Variants in CUL2 observed in about 807,000 individuals in gnomAD.
The protein encoded by CUL2 is cullin 2.
CUL2 carries 22 observed loss-of-function variants against 110.2 expected under a neutral mutation model. That is an observed-to-expected ratio of 0.20 (90% CI 0.14 to 0.28). CUL2 has a LOEUF of 0.28. CUL2 is among the 10% of genes least tolerant of loss of function. CUL2 has a pLI of 1.00. For missense variants in CUL2, 631 were observed against 905.5 expected (o/e 0.70, Z 3.89); for synonymous variants, 279 against 293.2 (o/e 0.95, Z 0.49).
chr10:35,031,166 C>T lies in CUL2; in HGVS notation c.1386+134G>A. 2 of 578,910 alleles carry T rather than the reference C, an allele frequency of 3.5e-6. No individual in the cohort carries two copies. Among genetic ancestry groups the T allele is most frequent in the South Asian group, 5.1e-5 (2 of 39,274 alleles). 35.9% of individuals were successfully genotyped at this position (578,910 alleles called of 1,614,324 possible). A position where few individuals can be genotyped will look rare whatever the true frequency, so the allele number is the denominator to read the frequency against. ...CTTTTAATACAGTATTTGTATATCC[C>T]ACTGTGTGACTACACAAATACACAT... On this transcript the variant is annotated intron_variant, in intron 14 of 20. Transcript: ENST00000374749. This position sits in a 1 kb window ranked among gnomAD's most constrained non-coding sequence, Gnocchi z 4.4.
intron 15 of CUL2, 58 bp downstream of exon 15, chr10:35,029,430 T>C (rs536269592): frequency 3.2e-5 from 38 of 1,184,538 alleles, no homozygotes; most frequent in Non-Finnish European, 3.6e-5. Context: ...TTATGAATCA[T>C]TTGTATCAAC....
chr10:35,122,223 T>C (rs1310380976), intron 1 of CUL2, among the ~76,000 whole-genome samples: 1 of 152,194 alleles, frequency 6.6e-6, no homozygotes, highest in African/African-American at 2.4e-5. Flanking sequence ...GCTTTTAAGG[T>C]GAATCAATTT....
rs181840299 is a variant in CUL2 at position 35,120,839 on chromosome 10, C to T, written c.-51+5766G>A. Among the ~76,000 whole-genome samples the T allele has an allele frequency of 7.0e-4, 106 of 151,778 alleles. 1 individual carries two copies. Among genetic ancestry groups the T allele is most frequent in the Non-Finnish European group, 6.2e-4 (42 of 67,928 alleles). On this transcript the variant is annotated intron_variant, in intron 1 of 5. Transcript: ENST00000685421. ...TGAGCCCAGGAGGTTGAGACTGCAGCGAGCCAAGATCATGCCACTGCAATC... is the reference window on the plus strand; with the variant it reads ...TGAGCCCAGGAGGTTGAGACTGCAGTGAGCCAAGATCATGCCACTGCAATC...
At chr10:35,068,255 C>A (rs1237458472) in intron 2 of CUL2, among the ~76,000 whole-genome samples, 1 of 151,774 alleles carries the variant, frequency 6.6e-6, no homozygotes, top group East Asian at 1.9e-4. Context: ...AACCCCATTT[C>A]TACCAAAAAT....
chr10:35,125,103 T>C (rs1310472109), intron 1 of CUL2, among the ~76,000 whole-genome samples: 2 of 152,248 alleles, frequency 1.3e-5, no homozygotes, highest in East Asian at 1.9e-4. Context: ...AAAAACCTTA[T>C]GCTTCCCCTA....
At chr10:35,043,722 A>G (rs1414485706) in intron 8 of CUL2, among the ~76,000 whole-genome samples, 5 of 152,224 alleles carry the variant, frequency 3.3e-5, no homozygotes, top group Non-Finnish European at 7.3e-5. Flanking sequence ...CTGAGAAAAT[A>G]AACATGGGAT....
At chr10:35,024,656 T>A (rs11597553) in intron 17 of CUL2, among the ~76,000 whole-genome samples, 17,778 of 152,280 alleles carry the variant, frequency 0.12, 1,301 homozygotes, top group Middle Eastern at 0.18. Context: ...GATAAAAGTT[T>A]TTTAAAATTG....
chr10:35,119,832 C>T (rs2087656646), intron 1 of CUL2, among the ~76,000 whole-genome samples: 2 of 152,130 alleles, frequency 1.3e-5, no homozygotes, highest in Non-Finnish European at 2.9e-5. Flanking sequence ...GGCCTCCTAC[C>T]TCAACCTGTG....
At chr10:35,073,036 A>C (rs2086722805) in intron 1 of CUL2, among the ~76,000 whole-genome samples, 1 of 152,140 alleles carries the variant, frequency 6.6e-6, no homozygotes, top group African/African-American at 2.4e-5. Flanking sequence ...GGACTGGGAG[A>C]GGCCCTTCTG....
intron 1 of CUL2, among the ~76,000 whole-genome samples, chr10:35,111,178 G>A (rs2135128666): frequency 6.6e-6 from 1 of 152,268 alleles, no homozygotes; most frequent in South Asian, 2.1e-4. Flanking sequence ...CAGAGAAAAT[G>A]GAGAAGCAAG....
At chr10:35,054,933 T>A (rs2086205451) in intron 4 of CUL2, among the ~76,000 whole-genome samples, 1 of 152,158 alleles carries the variant, frequency 6.6e-6, no homozygotes, top group Non-Finnish European at 1.5e-5. Flanking sequence ...AGAAATGCAA[T>A]TTTTCATTTT....
chr10:35,033,163 T>C lies in CUL2; in HGVS notation c.1110+3A>G. ...ATATAGTATATATGTATTTAAAACTTACCTTATCCAACGCACTCATAAAAT... is the reference window on the plus strand; with the variant it reads ...ATATAGTATATATGTATTTAAAACTCACCTTATCCAACGCACTCATAAAAT... On this transcript the variant is annotated splice_donor_region_variant and intron_variant, in intron 11 of 20. Transcript: ENST00000374749. The C allele has an allele frequency of 1.3e-6, 2 of 1,599,870 alleles. No individual in the cohort carries two copies. The highest frequency in any genetic ancestry group is 1.7e-6 in the Non-Finnish European group (2 of 1,167,992).
intron 1 of CUL2, among the ~76,000 whole-genome samples, chr10:35,116,573 A>G (rs1210239016): frequency 1.3e-5 from 2 of 152,178 alleles, no homozygotes; most frequent in Non-Finnish European, 2.9e-5. Flanking sequence ...GAATCCTTTC[A>G]ATCTGAAATT....
intron 1 of CUL2, among the ~76,000 whole-genome samples, chr10:35,111,803 T>C (rs187137481): frequency 6.6e-6 from 1 of 152,130 alleles, no homozygotes; most frequent in Non-Finnish European, 1.5e-5. Flanking sequence ...GGCAGGAGAA[T>C]CACTTGACTC....
intron 20 of CUL2, among the ~76,000 whole-genome samples, chr10:35,011,282 G>A (rs2084896439): frequency 6.7e-6 from 1 of 149,750 alleles, no homozygotes. Flanking sequence ...GAAACTCCTG[G>A]ACTCAAGTGA....
intron 1 of CUL2, among the ~76,000 whole-genome samples, chr10:35,112,255 G>C (rs1275522775): frequency 6.6e-6 from 1 of 152,194 alleles, no homozygotes; most frequent in Non-Finnish European, 1.5e-5. Context: ...GGAAAGACCA[G>C]AACTGGATTT....
Position 35,040,219 on chromosome 10 carries a change from T to C in CUL2, c.715-1137A>G, listed in dbSNP as rs1231492060. ...AATATAATTTAGTCATAGTCAAGTA[T>C]GTCAATCAAGACTTTTATTAAAGTT... On this transcript the variant is annotated intron_variant, in intron 8 of 20. Coordinates refer to ENST00000374749, the MANE Select transcript of CUL2 (RefSeq NM_003591.4). Among the ~76,000 whole-genome samples the C allele has an allele frequency of 2.6e-5, 4 of 152,304 alleles. No homozygotes were observed. In the East Asian group the frequency reaches 7.7e-4, roughly 29 times the overall value.
intron 16 of CUL2, among the ~76,000 whole-genome samples, chr10:35,028,386 T>G (rs1372103460): frequency 6.6e-6 from 1 of 152,196 alleles, no homozygotes; most frequent in Non-Finnish European, 1.5e-5. Flanking sequence ...CTACTAGCAG[T>G]TACTTCACAT....
At chr10:35,037,914 G>C (rs961542483) in intron 9 of CUL2, among the ~76,000 whole-genome samples, 19 of 152,006 alleles carry the variant, frequency 1.2e-4, no homozygotes, top group East Asian at 5.8e-4. Flanking sequence ...AGCACTTCGG[G>C]AGGCCGGGGC....
Sources: allele counts gnomAD v4.1 joint callset (sites outside exome capture counted in the v4.1 genomes callset), GRCh38; gene constraint gnomAD v4.1.1; non-coding constraint Gnocchi (gnomAD v3.1); transcripts MANE v1.5; gene names NCBI Gene and HGNC (gene_info 2026-07-23, HGNC 2026-07-21).